DGKB: variants seen among roughly 807,000 people sequenced by gnomAD.
The protein encoded by DGKB is diacylglycerol kinase beta, also known as 90 kDa diacylglycerol kinase.
DGKB carries 67 observed loss-of-function variants against 114.3 expected under a neutral mutation model. That is an observed-to-expected ratio of 0.59 (90% CI 0.48 to 0.72). DGKB has a LOEUF of 0.72. DGKB is among the 30% of genes least tolerant of loss of function. The probability of loss-of-function intolerance (pLI) is 0.00; values close to 1 mark genes in which losing one functional copy is unlikely to be tolerated. For missense variants in DGKB, 907 were observed against 975.2 expected, an observed-to-expected ratio of 0.93 and a Z score of 0.93; for synonymous variants, 398 against 323.1, an observed-to-expected ratio of 1.23 and a Z score of -2.49.
chr7:14,598,921 C>A (rs1289476422), intron 17 of DGKB, among the ~76,000 whole-genome samples: 1 of 152,162 alleles, frequency 6.6e-6, no homozygotes, highest in Non-Finnish European at 1.5e-5. Flanking sequence ...CCCTTTGCAA[C>A]TCTCAGGGAG....
At chr7:14,938,735 A>T (rs1424163391) in intron 1 of DGKB, among the ~76,000 whole-genome samples, 1 of 152,164 alleles carries the variant, frequency 6.6e-6, no homozygotes, top group Non-Finnish European at 1.5e-5. Context: ...TCAATGTATT[A>T]GGTTACTAGT....
chr7:14,969,428 C>G (rs66538034), intron 1 of DGKB, among the ~76,000 whole-genome samples: 20,545 of 152,156 alleles, frequency 0.14, 1,453 homozygotes, highest in Admixed American at 0.19. Flanking sequence ...CTAGATGGCA[C>G]AGACTACTAC....
At chr7:14,880,289 C>G (rs529420298) in intron 1 of DGKB, among the ~76,000 whole-genome samples, 1 of 152,106 alleles carries the variant, frequency 6.6e-6, no homozygotes, top group Non-Finnish European at 1.5e-5. Flanking sequence ...GAAACCCTGT[C>G]TCTACTAAAA....
chr7:14,729,507 T>TCATA (rs1830605603), intron 5 of DGKB, among the ~76,000 whole-genome samples: 1 of 152,188 alleles, frequency 6.6e-6, no homozygotes, highest in Admixed American at 6.5e-5. Context: ...GTCTTACAGT[T>TCATA]CATACATTGC....
At chr7:14,161,168 T>C (rs187046262) in intron 25 of DGKB, among the ~76,000 whole-genome samples, 12 of 152,268 alleles carry the variant, frequency 7.9e-5, no homozygotes, top group Admixed American at 5.9e-4. Flanking sequence ...AAACAACAGA[T>C]GCTGGAGAGG....
intron 1 of DGKB, among the ~76,000 whole-genome samples, chr7:14,898,796 C>T (rs917155132): frequency 3.3e-5 from 5 of 152,088 alleles, no homozygotes; most frequent in Non-Finnish European, 7.4e-5. Flanking sequence ...GCTTATGGAG[C>T]GAGTCCATTT....
intron 2 of DGKB, among the ~76,000 whole-genome samples, chr7:14,803,398 A>G (rs1427282422): frequency 6.6e-6 from 1 of 152,136 alleles, no homozygotes; most frequent in African/African-American, 2.4e-5. Flanking sequence ...TTATTATACC[A>G]GTTAATTCTA....
In DGKB at chr7:14,312,379, A is replaced by C. The variant is rs200707345; in HGVS notation, c.2122+26136T>G. Among the ~76,000 whole-genome samples, 15 of 152,352 alleles carry C rather than the reference A, an allele frequency of 9.8e-5. No homozygotes were observed. In the East Asian group the frequency reaches 2.1e-3, roughly 22 times the overall value. On this transcript the variant is annotated intron_variant, in intron 23 of 25. Transcript: ENST00000402815. ...GTGTTAACATTTGCACTGATGAAGC[A>C]AAACAATGTTGTATAAAATTGCTGG...
At chr7:14,166,093 G>T (rs955796674) in intron 25 of DGKB, among the ~76,000 whole-genome samples, 1 of 152,124 alleles carries the variant, frequency 6.6e-6, no homozygotes, top group Non-Finnish European at 1.5e-5. Flanking sequence ...TAGTCTAAAA[G>T]TGTCTTATAC....
chr7:14,215,416 T>G (rs916708354), intron 23 of DGKB, among the ~76,000 whole-genome samples: 1 of 152,118 alleles, frequency 6.6e-6, no homozygotes, highest in African/African-American at 2.4e-5. Context: ...TTATTCATTC[T>G]TCCTCTCCCA....
intron 23 of DGKB, among the ~76,000 whole-genome samples, chr7:14,241,963 C>T (rs201257408): frequency 0.22 from 9,153 of 40,954 alleles, 453 homozygotes; most frequent in Admixed American, 0.36. Flanking sequence ...CATATACACA[C>T]ACACACACAC....
intron 23 of DGKB, among the ~76,000 whole-genome samples, chr7:14,272,846 T>G (rs1010067988): frequency 1.3e-5 from 2 of 152,184 alleles, no homozygotes; most frequent in African/African-American, 4.8e-5. Flanking sequence ...AATTGCAAAT[T>G]CTTTCTGAAT....
intron 22 of DGKB, among the ~76,000 whole-genome samples, chr7:14,339,162 C>G (rs1026415406): frequency 7.9e-5 from 12 of 151,384 alleles, no homozygotes; most frequent in African/African-American, 2.7e-4. Context: ...GCCTCATGGT[C>G]TCACACCTTT....
At chr7:14,232,210 C>G (rs1471101955) in intron 23 of DGKB, among the ~76,000 whole-genome samples, 3 of 151,982 alleles carry the variant, frequency 2.0e-5, no homozygotes, top group Admixed American at 6.6e-5. Flanking sequence ...GACATTCACG[C>G]TCCCTAGAAT....
At chr7:14,926,040 T>C (rs1784732221) in intron 1 of DGKB, among the ~76,000 whole-genome samples, 1 of 152,118 alleles carries the variant, frequency 6.6e-6, no homozygotes, top group Non-Finnish European at 1.5e-5. Context: ...TTTCTGTAGA[T>C]TTTCTTTACC....
chr7:14,925,249 TTG>T (rs1245054844), intron 1 of DGKB, among the ~76,000 whole-genome samples: 1 of 152,208 alleles, frequency 6.6e-6, no homozygotes, highest in African/African-American at 2.4e-5. Flanking sequence ...GAAAAAGTTT[TTG>T]TGTGAACATG....
At chr7:14,611,441 T>C (rs1294961717) in intron 16 of DGKB, among the ~76,000 whole-genome samples, 1 of 152,078 alleles carries the variant, frequency 6.6e-6, no homozygotes, top group Admixed American at 6.6e-5. Context: ...TTATCTAACA[T>C]ATCAAAGTCA....
At chr7:14,364,074 A>G (rs1386722133) in intron 21 of DGKB, among the ~76,000 whole-genome samples, 1 of 152,098 alleles carries the variant, frequency 6.6e-6, no homozygotes, top group Non-Finnish European at 1.5e-5. Context: ...ACTCAGTACA[A>G]TACAAAGAAT....
chr7:14,166,711 A>C (rs1444802564), intron 25 of DGKB, among the ~76,000 whole-genome samples: 1 of 151,988 alleles, frequency 6.6e-6, no homozygotes, highest in South Asian at 2.1e-4. Flanking sequence ...AGACCAGAAC[A>C]TGAAGTGCCA....
Sources: allele counts gnomAD v4.1 joint callset (sites outside exome capture counted in the v4.1 genomes callset), GRCh38; gene constraint gnomAD v4.1.1; transcripts MANE v1.5; gene names NCBI Gene and HGNC (gene_info 2026-07-23, HGNC 2026-07-21).